METTL16: variants seen among roughly 807,000 people sequenced by gnomAD.
The protein encoded by METTL16 is RNA N(6)-adenosine-methyltransferase METTL16.
A neutral mutation model predicts 57.9 loss-of-function variants in METTL16; 19 were observed. The observed-to-expected ratio is 0.33, with a 90% CI of 0.23 to 0.48. METTL16 has a LOEUF of 0.48. METTL16 is among the 20% of genes least tolerant of loss of function. The pLI, the probability that METTL16 is intolerant of heterozygous loss-of-function variation, is 0.99. For missense variants in METTL16, 434 were observed against 691.5 expected (o/e 0.63, Z 4.18); for synonymous variants, 246 against 255.6 (o/e 0.96, Z 0.36).
intron 8 of METTL16, among the ~76,000 whole-genome samples, chr17:2,436,017 G>T (rs980354131): frequency 1.3e-5 from 2 of 152,162 alleles, no homozygotes; most frequent in African/African-American, 4.8e-5. Context: ...CTCGGAGCTG[G>T]TGTGGAGTGC....
intron 2 of METTL16, among the ~76,000 whole-genome samples, chr17:2,481,351 A>G (rs1597463670): frequency 6.6e-6 from 1 of 152,184 alleles, no homozygotes; most frequent in African/African-American, 2.4e-5. Context: ...TAAAATGAAG[A>G]AATCTGACAG....
intron 1 of METTL16, among the ~76,000 whole-genome samples, chr17:2,508,457 A>G (rs1156369772): frequency 6.6e-6 from 1 of 152,148 alleles, no homozygotes; most frequent in Non-Finnish European, 1.5e-5. Flanking sequence ...CACCAAATGC[A>G]CTGCTATCTT....
At chr17:2,428,382 G>A (rs1367079512) in intron 8 of METTL16, among the ~76,000 whole-genome samples, 1 of 151,240 alleles carries the variant, frequency 6.6e-6, no homozygotes, top group African/African-American at 2.4e-5. Context: ...AATTCTCCAT[G>A]GCCAAAGGCG....
intron 5 of METTL16, 32 bp from the exon 6 acceptor site, chr17:2,464,382 T>C: frequency 6.4e-7 from 1 of 1,572,146 alleles, no homozygotes; most frequent in Non-Finnish European, 8.6e-7. Context: ...TGGTGAAAAA[T>C]GTGTACACCC....
rs373563119 is a variant in METTL16 at position 2,482,085 on chromosome 17, T to C, written c.129-4200A>G. On this transcript the variant is annotated intron_variant, in intron 2 of 9. Coordinates refer to ENST00000263092, the MANE Select transcript of METTL16 (RefSeq NM_024086.4). ...ATTATAATGACAACAGATAAACATT[T>C]TGAGTATACAGGAACTCAAGGAGTA... Among the ~76,000 whole-genome samples, 75 of 152,318 alleles carry C rather than the reference T, an allele frequency of 4.9e-4. 2 individuals are homozygous for C. In the South Asian group the frequency reaches 0.015, roughly 30 times the overall value.
Position 2,418,638 on chromosome 17 carries a change from C to A in METTL16, c.*1332G>T, listed in dbSNP as rs961023861. The stretch of plus-strand genomic sequence containing the variant: ...GCCACTGGTCAGTATGCTGCCTTCT[C>A]CAGCTCCAGCTCCACAGCCAAGTTA... On this transcript the variant is annotated 3_prime_UTR_variant, in exon 10 of 10. Coordinates refer to ENST00000263092, the MANE Select transcript of METTL16 (RefSeq NM_024086.4). 1.3e-5 allele frequency: 2 copies of A among 152,340 alleles called. No homozygotes were observed. The highest frequency in any genetic ancestry group is 2.9e-5 in the Non-Finnish European group (2 of 68,152). 9.4% of individuals were successfully genotyped at this position (152,340 alleles called of 1,614,324 possible).
rs2066926759 is a variant in METTL16 at position 2,438,780 on chromosome 17, C to T, written c.799-582G>A. On this transcript the variant is annotated intron_variant, in intron 7 of 9. Coordinates refer to ENST00000263092, the MANE Select transcript of METTL16 (RefSeq NM_024086.4). ...AAGTGCTGAGATTACAGGTGTGAGC[C>T]ACCACACCCAGCCTCAAGTGATTTT... Among the ~76,000 whole-genome samples, 4 of 152,288 alleles carry T rather than the reference C, an allele frequency of 2.6e-5. No homozygotes were observed. In the South Asian group the frequency reaches 8.3e-4, roughly 32 times the overall value.
intron 6 of METTL16, among the ~76,000 whole-genome samples, chr17:2,447,848 A>G (rs1429579314): frequency 8.4e-5 from 4 of 47,596 alleles, no homozygotes; most frequent in Admixed American, 2.2e-4. Flanking sequence ...TCCGGGAGGG[A>G]GGTGGGGGGT....
chr17:2,497,429 C>T (rs1370790142), intron 2 of METTL16, among the ~76,000 whole-genome samples: 2 of 150,376 alleles, frequency 1.3e-5, no homozygotes, highest in Non-Finnish European at 2.9e-5. Flanking sequence ...TCTCGTGCCT[C>T]AGCCTTCTGA....
chr17:2,477,734 C>T lies in METTL16; in HGVS notation c.280G>A (p.Gly94Ser), dbSNP rs760172867. The part of the protein sequence containing the change: ...NYIHWVEDLI[G>S]HQDSDKSTLR... ...GTACTTTTGTCAGAATCCTGGTGAC[C>T]GATCAGATCTTCTACCCAGTGAATA... Residue 94 changes from glycine to serine, a missense_variant, in exon 3 of 10, where the codon GGT becomes AGT. Physicochemically the swap from Gly to Ser is moderately conservative, Grantham distance 56. This residue lies in a region of METTL16 where 118 missense variants were observed against 280.0 expected (regional missense o/e 0.42). Coordinates refer to ENST00000263092, the MANE Select transcript of METTL16 (RefSeq NM_024086.4). The T allele has an allele frequency of 1.2e-6, 2 of 1,613,886 alleles. No homozygotes were observed. Among genetic ancestry groups the T allele is most frequent in the East Asian group, 2.2e-5 (1 of 44,878 alleles).
At chr17:2,506,143 C>T (rs1245024724) in intron 1 of METTL16, among the ~76,000 whole-genome samples, 1 of 151,874 alleles carries the variant, frequency 6.6e-6, no homozygotes, top group East Asian at 1.9e-4. Context: ...TCTCTTCAGT[C>T]GGCAAATTCT....
At chr17:2,436,698 T>A (rs2066911114) in intron 8 of METTL16, 3 of 152,216 alleles carry the variant, frequency 2.0e-5, no homozygotes, top group African/African-American at 7.2e-5. Flanking sequence ...GTGCAGACAC[T>A]TCAGCTGGGA....
chr17:2,451,377 C>T (rs946308411), intron 6 of METTL16, among the ~76,000 whole-genome samples: 1 of 151,998 alleles, frequency 6.6e-6, no homozygotes, highest in Admixed American at 6.6e-5. Context: ...CCAGCACTTT[C>T]GGAGGGCGAG....
intron 6 of METTL16, among the ~76,000 whole-genome samples, chr17:2,448,712 T>A: frequency 1.0e-5 from 1 of 99,784 alleles, no homozygotes; most frequent in Non-Finnish European, 1.9e-5. Context: ...CAAATCCCCC[T>A]CTGCGAGAAA....
intron 6 of METTL16, among the ~76,000 whole-genome samples, chr17:2,443,643 C>T (rs1288037993): frequency 7.2e-5 from 11 of 151,866 alleles, no homozygotes; most frequent in Admixed American, 2.6e-4. Context: ...CCCACCACGA[C>T]GCCCGGCTAT....
chr17:2,487,033 A>C (rs2067348325), intron 2 of METTL16, among the ~76,000 whole-genome samples: 1 of 148,140 alleles, frequency 6.8e-6, no homozygotes, highest in South Asian at 2.1e-4. Context: ...AAAAGGCTAT[A>C]TCTAGATAAA....
At chr17:2,502,088 A>C in intron 2 of METTL16, 116 bp downstream of exon 2, 1 of 1,074,252 alleles carries the variant, frequency 9.3e-7, no homozygotes, top group South Asian at 1.5e-5. Flanking sequence ...GATTTGTCCA[A>C]GGTCGCATGG....
At chr17:2,428,170 G>T (rs1490587063) in intron 8 of METTL16, among the ~76,000 whole-genome samples, 1 of 151,872 alleles carries the variant, frequency 6.6e-6, no homozygotes, top group Non-Finnish European at 1.5e-5. Flanking sequence ...GACTAACCTG[G>T]TACCATCCCT....
At chr17:2,474,648 G>A (rs946769853) in intron 3 of METTL16, among the ~76,000 whole-genome samples, 48 of 152,168 alleles carry the variant, frequency 3.2e-4, no homozygotes, top group African/African-American at 9.7e-4. Flanking sequence ...TTTACAGGCC[G>A]GGCGTGGTGG....
Sources: gnomAD v4.1 joint callset for allele counts (sites outside exome capture counted in the v4.1 genomes callset) on GRCh38, gnomAD v4.1.1 for gene constraint, gnomAD v4.1.1 regional missense constraint, MANE v1.5 for transcripts, NCBI Gene and HGNC (gene_info 2026-07-23, HGNC 2026-07-21) for gene names.